CREB5: variants seen among roughly 807,000 people sequenced by gnomAD.
CREB5 encodes the protein cAMP responsive element binding protein 5, also known as cyclic AMP-responsive element-binding protein 5.
CREB5 carries 19 observed loss-of-function variants against 57.1 expected under a neutral mutation model. The ratio of observed to expected loss-of-function variants is 0.33; its 90% CI spans 0.23 to 0.49. The LOEUF (loss-of-function observed/expected upper bound fraction) is 0.49, where lower values mean the gene tolerates loss of function less well. Among genes scored for constraint, CREB5 ranks in the 20% least tolerant of loss-of-function variants. CREB5 has a pLI of 0.99. For missense variants in CREB5, 579 were observed against 671.6 expected (o/e 0.86, Z 1.52); for synonymous variants, 238 against 238.3 (o/e 1.00, Z 0.01).
At chr7:28,617,939 T>C (rs2128682814) in intron 5 of CREB5, among the ~76,000 whole-genome samples, 1 of 152,332 alleles carries the variant, frequency 6.6e-6, no homozygotes, top group African/African-American at 2.4e-5. Flanking sequence ...CCATTCCTTA[T>C]AAGCTAGTAG....
At chr7:28,334,898 G>A (rs1004023733) in intron 1 of CREB5, among the ~76,000 whole-genome samples, 1 of 152,108 alleles carries the variant, frequency 6.6e-6, no homozygotes, top group Non-Finnish European at 1.5e-5. Flanking sequence ...AGAAATAGGG[G>A]TCTAATTTCA....
chr7:28,429,086 C>G (rs1333750444), intron 1 of CREB5, among the ~76,000 whole-genome samples: 2 of 152,138 alleles, frequency 1.3e-5, no homozygotes, highest in African/African-American at 4.8e-5. Flanking sequence ...GGTACAATGG[C>G]ACAACCTTGG....
In CREB5 at chr7:28,804,276, G is replaced by A; in HGVS notation, c.780G>A (p.Glu260=). ...GNMNTMGHMM[E]MMGSRQDQTP... is the part of the protein sequence containing the mutation. ...TGAACACCATGGGACACATGATGGA[G>A]ATGATGGGCTCCCGGCAGGACCAGA... The change falls in exon 8 of 11, where the codon GAG becomes GAA. Residue 260 remains glutamate, a synonymous_variant. Coordinates refer to ENST00000357727, the MANE Select transcript of CREB5 (RefSeq NM_182898.4). 1.2e-6 allele frequency: 2 copies of A among 1,614,088 alleles called. No homozygotes were observed.
chr7:28,674,234 A>G (rs139529377), intron 5 of CREB5, among the ~76,000 whole-genome samples: 3 of 152,272 alleles, frequency 2.0e-5, no homozygotes, highest in African/African-American at 7.2e-5. Flanking sequence ...GTTTGCAGGA[A>G]GGTGTTAGGT....
intron 1 of CREB5, among the ~76,000 whole-genome samples, chr7:28,446,043 G>C (rs1028780569): frequency 9.9e-5 from 15 of 152,194 alleles, no homozygotes; most frequent in African/African-American, 3.4e-4. Flanking sequence ...GGACCAGCTG[G>C]AGCACCTTTC....
At chr7:28,496,203 G>T (rs994547787) in intron 3 of CREB5, among the ~76,000 whole-genome samples, 5 of 152,170 alleles carry the variant, frequency 3.3e-5, no homozygotes, top group Non-Finnish European at 7.3e-5. Flanking sequence ...ATAGTTTCCT[G>T]TTATTCTTCT....
At chr7:28,591,954 A>C (rs1213896238) in intron 5 of CREB5, among the ~76,000 whole-genome samples, 1 of 152,160 alleles carries the variant, frequency 6.6e-6, no homozygotes, top group Admixed American at 6.5e-5. Context: ...TTGAATTTGG[A>C]TAGTCATAAA....
At chr7:28,560,855 T>TGCGTGCGTGTGTGTGCGTGC (rs1554344299) in intron 4 of CREB5, among the ~76,000 whole-genome samples, 1 of 56,388 alleles carries the variant, frequency 1.8e-5, no homozygotes, top group African/African-American at 7.1e-5. Flanking sequence ...CGCGTGTGTG[T>TGCGTGCGTGTGTGTGCGTGC]GTGCGTGTGC....
intron 7 of CREB5, among the ~76,000 whole-genome samples, chr7:28,789,452 T>C (rs550097392): frequency 6.4e-4 from 98 of 152,278 alleles, no homozygotes; most frequent in African/African-American, 2.3e-3. Flanking sequence ...AGTTTCAAAA[T>C]AGGTCTCCCC....
intron 5 of CREB5, among the ~76,000 whole-genome samples, chr7:28,636,081 C>T (rs41308): frequency 0.54 from 81,735 of 152,146 alleles, 22,352 homozygotes; most frequent in East Asian, 0.65. Context: ...ATTTCCTCTT[C>T]GAGTTCTTTT....
At chr7:28,709,125 C>T (rs747304448) in intron 5 of CREB5, among the ~76,000 whole-genome samples, 2 of 152,120 alleles carry the variant, frequency 1.3e-5, no homozygotes, top group Non-Finnish European at 2.9e-5. Flanking sequence ...TTTTGGTCTG[C>T]ATTTACTTGC....
At chr7:28,553,250 C>A (rs1794741429) in intron 4 of CREB5, among the ~76,000 whole-genome samples, 1 of 152,142 alleles carries the variant, frequency 6.6e-6, no homozygotes, top group Non-Finnish European at 1.5e-5. Flanking sequence ...GGAGATGCAC[C>A]AGGCCTTTTC....
intron 1 of CREB5, among the ~76,000 whole-genome samples, chr7:28,393,779 T>C (rs1357650635): frequency 1.3e-5 from 2 of 152,224 alleles, no homozygotes; most frequent in African/African-American, 4.8e-5. Flanking sequence ...GGTGTAGTGT[T>C]AAAGTGGACT....
intron 7 of CREB5, among the ~76,000 whole-genome samples, chr7:28,744,684 A>G (rs1015685906): frequency 6.6e-6 from 1 of 152,130 alleles, no homozygotes; most frequent in Non-Finnish European, 1.5e-5. Context: ...GTCTCCAAAT[A>G]CAGTCACATA....
In CREB5 at chr7:28,542,723, T is replaced by G. The variant is rs1199609575; in HGVS notation, c.292-27642T>G. ...CAGCTGTACATAATAGTGTTGTAAT[T>G]CCATCAAGGGGCTTTGATAACTTCA... On this transcript the variant is annotated intron_variant, in intron 4 of 10. Coordinates refer to ENST00000357727, the MANE Select transcript of CREB5 (RefSeq NM_182898.4). Among the ~76,000 whole-genome samples, 3 of 152,256 alleles carry G rather than the reference T, an allele frequency of 2.0e-5. No individual in the cohort carries two copies. In the East Asian group the frequency reaches 5.8e-4, roughly 29 times the overall value.
At chr7:28,378,076 C>CA (rs1272831217) in intron 1 of CREB5, among the ~76,000 whole-genome samples, 1 of 151,832 alleles carries the variant, frequency 6.6e-6, no homozygotes, top group Non-Finnish European at 1.5e-5. Flanking sequence ...ACAATTATAC[C>CA]ATTCAAGGCT....
intron 7 of CREB5, among the ~76,000 whole-genome samples, chr7:28,757,886 C>T (rs1805424689): frequency 3.9e-5 from 6 of 152,024 alleles, no homozygotes; most frequent in Admixed American, 3.3e-4. Context: ...CTTTGAGCAT[C>T]GCGGTGATGC....
At chr7:28,782,696 G>C (rs913443510) in intron 7 of CREB5, among the ~76,000 whole-genome samples, 2 of 152,154 alleles carry the variant, frequency 1.3e-5, no homozygotes, top group Admixed American at 6.5e-5. Flanking sequence ...ATCAAAAAGA[G>C]CTAACATTAA....
At chr7:28,608,798 G>T (rs910286905) in intron 5 of CREB5, among the ~76,000 whole-genome samples, 13 of 152,190 alleles carry the variant, frequency 8.5e-5, no homozygotes, top group African/African-American at 2.7e-4. Context: ...GCCAATAAAG[G>T]CTAATGATAG....
Sources: allele counts gnomAD v4.1 joint callset (sites outside exome capture counted in the v4.1 genomes callset), GRCh38; gene constraint gnomAD v4.1.1; transcripts MANE v1.5; gene names NCBI Gene and HGNC (gene_info 2026-07-23, HGNC 2026-07-21).